Variants in CEMIP observed in about 807,000 individuals in gnomAD.
CEMIP encodes the protein cell migration-inducing and hyaluronan-binding protein.
CEMIP carries 105 observed loss-of-function variants against 156.9 expected under a neutral mutation model. The ratio of observed to expected loss-of-function variants is 0.67; its 90% CI spans 0.57 to 0.79. CEMIP has a LOEUF of 0.79. CEMIP is among the 30% of genes least tolerant of loss of function. CEMIP has a pLI of 0.00. For missense variants in CEMIP, 1,457 were observed against 1,769.4 expected (o/e 0.82, Z 3.17); for synonymous variants, 676 against 668.4 (o/e 1.01, Z -0.17).
intron 25 of CEMIP, among the ~76,000 whole-genome samples, chr15:80,940,533 C>T (rs1026255157): frequency 3.3e-5 from 5 of 152,156 alleles, no homozygotes; most frequent in African/African-American, 1.2e-4. Context: ...TCCCCAGCTT[C>T]CCCACCACGC....
intron 7 of CEMIP, among the ~76,000 whole-genome samples, chr15:80,887,228 C>T (rs1286406080): frequency 1.3e-5 from 2 of 152,152 alleles, no homozygotes; most frequent in African/African-American, 2.4e-5. Flanking sequence ...AGGCAGATGG[C>T]TAGGGCAGTC....
chr15:80,893,219 AAAAT>A, intron 10 of CEMIP, among the ~76,000 whole-genome samples: 1 of 144,010 alleles, frequency 6.9e-6, no homozygotes, highest in South Asian at 2.2e-4. Flanking sequence ...GAAATGAAAT[AAAAT>A]AAAATAAATT....
intron 1 of CEMIP, among the ~76,000 whole-genome samples, chr15:80,828,849 C>G (rs553030115): frequency 1.8e-4 from 27 of 152,192 alleles, no homozygotes; most frequent in Non-Finnish European, 3.4e-4. Flanking sequence ...TTACAAATGG[C>G]TGCAATGCTT....
chr15:80,917,480 C>G (rs758436261), intron 14 of CEMIP, among the ~76,000 whole-genome samples: 1 of 152,310 alleles, frequency 6.6e-6, no homozygotes, highest in Non-Finnish European at 1.5e-5. Context: ...ATTTCCTTGC[C>G]TTTTTCTCCC....
At chr15:80,881,239 T>C (rs1184829325) in intron 6 of CEMIP, 103 bp downstream of exon 6, 2 of 983,920 alleles carry the variant, frequency 2.0e-6, no homozygotes, top group African/African-American at 1.6e-5. Flanking sequence ...AGAACAGCAG[T>C]GAATGAAACA....
chr15:80,785,121 G>T lies in CEMIP; in HGVS notation c.-176+5507G>T, dbSNP rs778657855. 3.3e-5 allele frequency among the ~76,000 whole-genome samples: 5 copies of T among 152,112 alleles called. No homozygotes were observed. In the East Asian group the frequency reaches 7.7e-4, roughly 23 times the overall value. Reference sequence around the variant, plus strand: ...TCTCTGGACCGAGCTACTTTTAAGCGCAAGATCGTTGTGCAAATGGCAATT... The same window carrying T: ...TCTCTGGACCGAGCTACTTTTAAGCTCAAGATCGTTGTGCAAATGGCAATT... On this transcript the variant is annotated intron_variant, in intron 1 of 29. Transcript: ENST00000394685.
At chr15:80,863,608 T>G (rs1004589622) in intron 1 of CEMIP, among the ~76,000 whole-genome samples, 2 of 152,232 alleles carry the variant, frequency 1.3e-5, no homozygotes, top group Non-Finnish European at 2.9e-5. Flanking sequence ...AATTATTTTA[T>G]TTTGTAATTA....
At chr15:80,783,954 T>C (rs1895862205) in intron 1 of CEMIP, among the ~76,000 whole-genome samples, 1 of 152,204 alleles carries the variant, frequency 6.6e-6, no homozygotes. Flanking sequence ...TTTTAGGGCC[T>C]GTCCCTAGAC....
intron 1 of CEMIP, among the ~76,000 whole-genome samples, chr15:80,805,504 G>A (rs148057685): frequency 8.5e-5 from 13 of 152,290 alleles, no homozygotes; most frequent in Non-Finnish European, 1.0e-4. Flanking sequence ...GGTGGTTACC[G>A]TGTGGTTAGG....
At chr15:80,843,611 G>C (rs80158748) in intron 1 of CEMIP, among the ~76,000 whole-genome samples, 1 of 152,230 alleles carries the variant, frequency 6.6e-6, no homozygotes, top group Non-Finnish European at 1.5e-5. Flanking sequence ...CAGGCCAGGT[G>C]GCAGAAGGAA....
At chr15:80,935,074 C>T (rs1901067043) in intron 23 of CEMIP, among the ~76,000 whole-genome samples, 1 of 152,156 alleles carries the variant, frequency 6.6e-6, no homozygotes, top group African/African-American at 2.4e-5. Flanking sequence ...ATTTTCTCAG[C>T]CCTGCTCAAG....
intron 1 of CEMIP, among the ~76,000 whole-genome samples, chr15:80,850,868 A>G (rs1290114330): frequency 6.6e-6 from 1 of 152,174 alleles, no homozygotes; most frequent in Non-Finnish European, 1.5e-5. Context: ...TGAGAAACGA[A>G]ATTCTGAAAA....
intron 13 of CEMIP, among the ~76,000 whole-genome samples, chr15:80,907,988 A>T (rs1302101666): frequency 6.6e-6 from 1 of 152,236 alleles, no homozygotes; most frequent in East Asian, 1.9e-4. Context: ...CTGGCATTTT[A>T]TGTGAGATGA....
intron 14 of CEMIP, among the ~76,000 whole-genome samples, chr15:80,913,352 A>G (rs1458852329): frequency 2.6e-5 from 4 of 152,188 alleles, no homozygotes; most frequent in Admixed American, 2.6e-4. Flanking sequence ...GTTCTCAACA[A>G]TGTCATTCAA....
At chr15:80,788,398 G>C (rs559205847) in intron 1 of CEMIP, among the ~76,000 whole-genome samples, 58 of 150,056 alleles carry the variant, frequency 3.9e-4, no homozygotes, top group Middle Eastern at 6.9e-3. Context: ...TTGAACCCGA[G>C]AGGTGGAAGT....
chr15:80,917,898 TCC>T (rs1900329602), intron 14 of CEMIP, among the ~76,000 whole-genome samples: 1 of 152,220 alleles, frequency 6.6e-6, no homozygotes, highest in Non-Finnish European at 1.5e-5. Flanking sequence ...AAGAGGCCAG[TCC>T]ACTGCTGGGA....
chr15:80,846,209 G>A (rs1897552872), intron 1 of CEMIP, among the ~76,000 whole-genome samples: 1 of 152,154 alleles, frequency 6.6e-6, no homozygotes, highest in African/African-American at 2.4e-5. Flanking sequence ...TATTATGGAG[G>A]TGGACGTTTC....
At position 80,933,396 on chromosome 15, in the gene CEMIP, G is replaced by A. The variant is rs377151951; in HGVS notation, c.2945G>A (p.Arg982Gln). 2.3e-5 allele frequency: 37 copies of A among 1,614,070 alleles called. No individual in the cohort carries two copies. The highest frequency in any genetic ancestry group is 1.6e-4 in the Middle Eastern group (1 of 6,062). ...YLTKNDNWLV[R>Q]HPDCINVPDW... is the part of the protein sequence containing the mutation. ...ACGAAGAATGACAACTGGCTGGTCC[G>A]GCACCCAGACTGCATCAATGTTCCC... The change falls in exon 23 of 30, where the codon CGG becomes CAG. Residue 982 changes from arginine to glutamine, a missense_variant. Physicochemically the swap from Arg to Gln is conservative, Grantham distance 43. Around this residue, in one of 5 missense-constraint regions of CEMIP, gnomAD observed 798 missense variants for 980.1 expected, o/e 0.81. Coordinates refer to ENST00000394685, the MANE Select transcript of CEMIP (RefSeq NM_001293298.2).
At chr15:80,897,683 T>C (rs1391418098) in intron 12 of CEMIP, among the ~76,000 whole-genome samples, 1 of 152,194 alleles carries the variant, frequency 6.6e-6, no homozygotes, top group Non-Finnish European at 1.5e-5. Context: ...GCAAAAGGTT[T>C]CAGGGTATCT....
Sources: gnomAD v4.1 joint callset for allele counts (sites outside exome capture counted in the v4.1 genomes callset) on GRCh38, gnomAD v4.1.1 for gene constraint, gnomAD v4.1.1 regional missense constraint, MANE v1.5 for transcripts, NCBI Gene and HGNC (gene_info 2026-07-23, HGNC 2026-07-21) for gene names.